MGLL: variants seen among roughly 807,000 people sequenced by gnomAD.
The protein encoded by MGLL is lysophospholipase homolog.
In MGLL, 7 loss-of-function variants were observed where a neutral mutation model predicts 29.1. The ratio of observed to expected loss-of-function variants is 0.24; its 90% CI spans 0.14 to 0.45. The LOEUF is 0.45. Ranked by LOEUF, MGLL falls within the 20% of genes least tolerant of loss-of-function variation. MGLL has a pLI of 0.99. For synonymous variants in MGLL, 148 were observed against 168.3 expected, an observed-to-expected ratio of 0.88 and a Z score of 0.93; for missense variants, 356 against 413.6, an observed-to-expected ratio of 0.86 and a Z score of 1.21.
chr3:127,707,288 C>T (rs1228066799), intron 6 of MGLL, among the ~76,000 whole-genome samples: 1 of 152,218 alleles, frequency 6.6e-6, no homozygotes, highest in Non-Finnish European at 1.5e-5. Flanking sequence ...GGAAGCAGTG[C>T]ATTCCGCCTG....
chr3:127,822,440 C>A lies in MGLL; in HGVS notation c.-122G>T. ...AGGAAGGCAGCTCCGAGCCCTCTTC[C>A]CGCACCCAGACCCTGCCTTTCGGGC... On this transcript the variant is annotated 5_prime_UTR_variant, in exon 1 of 8. Coordinates refer to ENST00000265052, the MANE Select transcript of MGLL (RefSeq NM_007283.7). The A allele has an allele frequency of 3.9e-6, 4 of 1,025,648 alleles. No individual in the cohort carries two copies. The highest frequency in any genetic ancestry group is 4.3e-4 in the Middle Eastern group (2 of 4,684). The allele number at this position is 1,025,648 out of a possible 1,614,324, so 63.5% of individuals were successfully genotyped here.
chr3:127,822,101 A>T, intron 1 of MGLL: 1 of 677,648 alleles, frequency 1.5e-6, no homozygotes, highest in Non-Finnish European at 2.5e-6. Flanking sequence ...TGTTTATTTT[A>T]AATCATTTCA....
rs994351293 is a variant in MGLL at position 127,749,457 on chromosome 3, A to G, written c.263-26891T>C. On this transcript the variant is annotated intron_variant, in intron 3 of 7. Coordinates refer to ENST00000265052, the MANE Select transcript of MGLL (RefSeq NM_007283.7). Reference sequence around the variant, plus strand: ...TTTACAAATTCAGATACCATTCATTATAAAAGGAAAAGTGCACAGTGCCCT... The same window carrying G: ...TTTACAAATTCAGATACCATTCATTGTAAAAGGAAAAGTGCACAGTGCCCT... Among the ~76,000 whole-genome samples, 4 of 152,364 alleles carry G rather than the reference A, an allele frequency of 2.6e-5. No individual in the cohort carries two copies. In the South Asian group the frequency reaches 6.2e-4, roughly 24 times the overall value.
chr3:127,779,991 A>C (rs2077095508), intron 3 of MGLL, among the ~76,000 whole-genome samples: 1 of 152,218 alleles, frequency 6.6e-6, no homozygotes, highest in African/African-American at 2.4e-5. Context: ...CTTGCCAGAG[A>C]GATTTCCATG....
chr3:127,817,818 T>C (rs533621332), intron 2 of MGLL, among the ~76,000 whole-genome samples: 15 of 152,290 alleles, frequency 9.8e-5, no homozygotes, highest in Non-Finnish European at 2.1e-4. Flanking sequence ...AATACAAAGG[T>C]GCTAAATATT....
intron 3 of MGLL, among the ~76,000 whole-genome samples, 156 bp from the exon 4 acceptor site, chr3:127,722,722 T>A (rs1289996253): frequency 1.3e-5 from 2 of 152,154 alleles, no homozygotes; most frequent in Non-Finnish European, 2.9e-5. Context: ...TTGGAATTCT[T>A]CTCCCCACTT....
At chr3:127,741,120 G>C (rs1400741576) in intron 3 of MGLL, among the ~76,000 whole-genome samples, 1 of 152,268 alleles carries the variant, frequency 6.6e-6, no homozygotes, top group Non-Finnish European at 1.5e-5. Context: ...TGCCCAAAGA[G>C]AGACAGGACA....
At chr3:127,715,147 T>C (rs2075790690) in intron 5 of MGLL, among the ~76,000 whole-genome samples, 1 of 152,156 alleles carries the variant, frequency 6.6e-6, no homozygotes, top group South Asian at 2.1e-4. Flanking sequence ...TGAGAGATTC[T>C]GATTGTATTG....
intron 5 of MGLL, among the ~76,000 whole-genome samples, chr3:127,717,639 G>A (rs1032008275): frequency 2.6e-5 from 4 of 152,158 alleles, no homozygotes; most frequent in African/African-American, 9.7e-5. Context: ...GGACAACCTT[G>A]GCAACAGGGA....
chr3:127,724,035 C>A (rs759799846), intron 3 of MGLL, among the ~76,000 whole-genome samples: 1 of 152,188 alleles, frequency 6.6e-6, no homozygotes, highest in African/African-American at 2.4e-5. Context: ...CAGCCATTTA[C>A]AAGGCAAGGA....
rs538458169 is a variant in MGLL at position 127,742,092 on chromosome 3, C to T, written c.263-19526G>A. Among the ~76,000 whole-genome samples, 9 of 152,234 alleles carry T rather than the reference C, an allele frequency of 5.9e-5. No homozygotes were observed. The East Asian group carries it at 1.3e-3, about 23-fold the overall frequency. On this transcript the variant is annotated intron_variant, in intron 3 of 7. Coordinates refer to ENST00000265052, the MANE Select transcript of MGLL (RefSeq NM_007283.7). ...AATGGGATTTCTAGATCAAAAGATACGAATATTTTCATGAGTTCTAATACA... is the reference window on the plus strand; with the variant it reads ...AATGGGATTTCTAGATCAAAAGATATGAATATTTTCATGAGTTCTAATACA...
chr3:127,710,990 A>C (rs148444913), intron 5 of MGLL: 108 of 397,050 alleles, frequency 2.7e-4, no homozygotes, highest in Non-Finnish European at 4.1e-4. Context: ...CACTGGCAAG[A>C]GTTGCCTGGG....
At chr3:127,741,953 C>A (rs956848439) in intron 3 of MGLL, among the ~76,000 whole-genome samples, 10 of 152,200 alleles carry the variant, frequency 6.6e-5, no homozygotes, top group African/African-American at 2.4e-4. Context: ...CATCAAGACT[C>A]AACTACTTAT....
intron 3 of MGLL, among the ~76,000 whole-genome samples, chr3:127,760,846 A>T (rs1261172409): frequency 6.6e-6 from 1 of 152,242 alleles, no homozygotes; most frequent in Admixed American, 6.5e-5. Flanking sequence ...ATCAGGCAGC[A>T]TCTCTGAGCT....
intron 2 of MGLL, among the ~76,000 whole-genome samples, chr3:127,786,363 T>G (rs1357418016): frequency 1.3e-5 from 2 of 152,254 alleles, no homozygotes; most frequent in African/African-American, 4.8e-5. Flanking sequence ...CAGAGCCATT[T>G]ATGCAGACAA....
chr3:127,742,786 C>A (rs938137714), intron 3 of MGLL, among the ~76,000 whole-genome samples: 21 of 152,198 alleles, frequency 1.4e-4, no homozygotes, highest in Admixed American at 1.2e-3. Context: ...GGGCTGTCAG[C>A]CCACTGATTT....
At chr3:127,760,690 A>G (rs1417909255) in intron 3 of MGLL, among the ~76,000 whole-genome samples, 1 of 152,246 alleles carries the variant, frequency 6.6e-6, no homozygotes, top group East Asian at 1.9e-4. Flanking sequence ...GCTCAGAGGC[A>G]CAGCACTGAT....
intron 2 of MGLL, among the ~76,000 whole-genome samples, chr3:127,795,477 C>T (rs1233225544): frequency 6.6e-6 from 1 of 152,102 alleles, no homozygotes; most frequent in Non-Finnish European, 1.5e-5. Context: ...TGGGATCAGT[C>T]ATACCCCAAA....
chr3:127,763,193 G>A (rs549662), intron 3 of MGLL, among the ~76,000 whole-genome samples: 121,304 of 151,900 alleles, frequency 0.8, 48,718 homozygotes, highest in Middle Eastern at 0.83. Flanking sequence ...GGTGTGCGGT[G>A]AGTGTGCAGG....
Sources: gnomAD v4.1 joint callset for allele counts (sites outside exome capture counted in the v4.1 genomes callset) on GRCh38, gnomAD v4.1.1 for gene constraint, MANE v1.5 for transcripts, NCBI Gene and HGNC (gene_info 2026-07-23, HGNC 2026-07-21) for gene names.